Variants in RIGI observed in about 807,000 individuals in gnomAD.
RIGI encodes the protein antiviral innate immune response receptor RIG-I.
chr9:32,511,808 A>G, the RIGI span, among the ~76,000 whole-genome samples: 1 of 152,222 alleles, frequency 6.6e-6, no homozygotes, highest in African/African-American at 2.4e-5. Flanking sequence ...GTTTTTTGAA[A>G]AGATTAACAA....
chr9:32,499,836 C>A, the RIGI span, among the ~76,000 whole-genome samples: 4 of 152,146 alleles, frequency 2.6e-5, no homozygotes, highest in Non-Finnish European at 5.9e-5. Flanking sequence ...CTCACTGCAG[C>A]CTCAAACTCC....
the RIGI span, chr9:32,485,259 G>T: frequency 6.3e-7 from 1 of 1,599,902 alleles, no homozygotes. Context: ...TCGCTAATCC[G>T]TGATTCCACT....
At chr9:32,483,112 G>A in the RIGI span, among the ~76,000 whole-genome samples, 3,717 of 152,150 alleles carry the variant, frequency 0.024, 166 homozygotes, top group African/African-American at 0.086. Context: ...AGGAGACTAT[G>A]GCTGTGTTCT....
At chr9:32,465,749 T>C in the RIGI span, among the ~76,000 whole-genome samples, 1 of 152,234 alleles carries the variant, frequency 6.6e-6, no homozygotes, top group Non-Finnish European at 1.5e-5. Flanking sequence ...TGAAAATCTC[T>C]GCAATGGGTC....
chr9:32,495,659 CT>C, the RIGI span, among the ~76,000 whole-genome samples: 557 of 120,732 alleles, frequency 4.6e-3, 1 homozygote, highest in African/African-American at 6.4e-3. Flanking sequence ...AGTCCTTTGC[CT>C]TTTTTTTTTT....
the RIGI span, chr9:32,466,340 C>G: frequency 6.2e-7 from 1 of 1,613,846 alleles, no homozygotes; most frequent in Non-Finnish European, 8.5e-7. Flanking sequence ...AAAATAGAGT[C>G]ATTCATCATT....
chr9:32,463,774 T>C, the RIGI span, among the ~76,000 whole-genome samples: 1 of 151,702 alleles, frequency 6.6e-6, no homozygotes, highest in Non-Finnish European at 1.5e-5. Flanking sequence ...CTTAATTATG[T>C]GTAGTCATGG....
chr9:32,502,676 A>C, the RIGI span, among the ~76,000 whole-genome samples: 1 of 152,178 alleles, frequency 6.6e-6, no homozygotes, highest in African/African-American at 2.4e-5. Context: ...GCTTCCTCTG[A>C]AGGCTCTGGG....
the RIGI span, chr9:32,467,948 A>G: frequency 6.4e-7 from 1 of 1,569,782 alleles, no homozygotes; most frequent in Non-Finnish European, 8.7e-7. Context: ...TCAGAGTAAG[A>G]GGGCATTATA....
At chr9:32,525,739 C>T in the RIGI span, among the ~76,000 whole-genome samples, 1 of 152,216 alleles carries the variant, frequency 6.6e-6, no homozygotes, top group Non-Finnish European at 1.5e-5. Flanking sequence ...TTCTCAATCT[C>T]TGTCAGTACC....
chr9:32,506,682 C>T, the RIGI span, among the ~76,000 whole-genome samples: 61 of 152,204 alleles, frequency 4.0e-4, no homozygotes, highest in East Asian at 9.7e-4. Flanking sequence ...GATAAAAATG[C>T]GTGGCCTCCG....
the RIGI span, among the ~76,000 whole-genome samples, chr9:32,462,810 A>G: frequency 1.3e-5 from 2 of 152,188 alleles, no homozygotes; most frequent in East Asian, 1.9e-4. Context: ...AGCTGGCGCA[A>G]TAGGCGTGAG....
the RIGI span, among the ~76,000 whole-genome samples, chr9:32,505,604 T>G: frequency 6.6e-6 from 1 of 152,194 alleles, no homozygotes; most frequent in African/African-American, 2.4e-5. Context: ...TCACACGTAA[T>G]ATCCTCTAGA....
At chr9:32,459,214 T>C in the RIGI span, among the ~76,000 whole-genome samples, 1 of 151,788 alleles carries the variant, frequency 6.6e-6, no homozygotes, top group East Asian at 1.9e-4. Context: ...ATTGAACATT[T>C]AGTATTTTTT....
the RIGI span, chr9:32,487,757 G>T: frequency 3.3e-6 from 4 of 1,221,770 alleles, no homozygotes; most frequent in Non-Finnish European, 3.4e-6. Context: ...ACAGTGTATG[G>T]CACATGGAGG....
At chr9:32,484,519 G>A in the RIGI span, among the ~76,000 whole-genome samples, 1 of 152,046 alleles carries the variant, frequency 6.6e-6, no homozygotes, top group Non-Finnish European at 1.5e-5. Context: ...CAGATGCCTG[G>A]GGGGAAATCA....
chr9:32,493,422 G>A, the RIGI span, among the ~76,000 whole-genome samples: 20 of 152,224 alleles, frequency 1.3e-4, no homozygotes, highest in East Asian at 1.5e-3. Flanking sequence ...TCAGGAGTTC[G>A]AGACCAGCCT....
At chr9:32,503,191 A>G in the RIGI span, among the ~76,000 whole-genome samples, 1 of 152,052 alleles carries the variant, frequency 6.6e-6, no homozygotes, top group South Asian at 2.1e-4. Flanking sequence ...ACATGCTAAC[A>G]GCCATTACAG....
At chr9:32,508,564 G>A in the RIGI span, among the ~76,000 whole-genome samples, 1 of 152,042 alleles carries the variant, frequency 6.6e-6, no homozygotes, top group Admixed American at 6.6e-5. Flanking sequence ...AGTGCACCCT[G>A]GCCCAGATAC....
Sources: gnomAD v4.1 joint callset for allele counts (sites outside exome capture counted in the v4.1 genomes callset) on GRCh38, gnomAD v4.1.1 for gene constraint, MANE v1.5 for transcripts, NCBI Gene and HGNC (gene_info 2026-07-23, HGNC 2026-07-21) for gene names.